The following PCDHA6 variants were observed in gnomAD, a reference collection of about 807,000 sequenced individuals.
PCDHA6 encodes the protein protocadherin alpha-6.
PCDHA6 carries 55 observed loss-of-function variants against 60.3 expected under a neutral mutation model. The observed-to-expected ratio is 0.91, with a 90% CI of 0.73 to 1.14. The LOEUF is 1.14. PCDHA6 is among the 50% of genes most tolerant of loss of function. The pLI, the probability that PCDHA6 is intolerant of heterozygous loss-of-function variation, is 0.00. For missense variants in PCDHA6, 1,327 were observed against 1,256.5 expected, an observed-to-expected ratio of 1.06 and a Z score of -0.85; for synonymous variants, 652 against 557.9, an observed-to-expected ratio of 1.17 and a Z score of -2.38.
At chr5:140,989,724 T>C (rs1251385686) in intron 3 of PCDHA6, among the ~76,000 whole-genome samples, 6 of 152,178 alleles carry the variant, frequency 3.9e-5, no homozygotes, top group African/African-American at 1.4e-4. Context: ...AGCTTTGCAG[T>C]TGAAAAGGCC....
chr5:140,887,245 C>T (rs1200820177), intron 1 of PCDHA6, among the ~76,000 whole-genome samples: 2 of 151,924 alleles, frequency 1.3e-5, no homozygotes, highest in East Asian at 1.9e-4. Context: ...TACCGGCGCC[C>T]GCCACCACGC....
At chr5:140,880,842 T>C (rs1554171525) in intron 1 of PCDHA6, among the ~76,000 whole-genome samples, 1 of 152,194 alleles carries the variant, frequency 6.6e-6, no homozygotes, top group East Asian at 1.9e-4. Flanking sequence ...TTTAAATGGT[T>C]GACTATGTAG....
intron 1 of PCDHA6, among the ~76,000 whole-genome samples, chr5:140,918,298 A>G (rs2078622610): frequency 6.6e-6 from 1 of 152,150 alleles, no homozygotes; most frequent in Non-Finnish European, 1.5e-5. Context: ...GGCAGAGAAT[A>G]TAGGGTTTTC....
intron 1 of PCDHA6, among the ~76,000 whole-genome samples, chr5:140,891,557 A>G (rs549418095): frequency 6.6e-6 from 1 of 151,608 alleles, no homozygotes; most frequent in Non-Finnish European, 1.5e-5. Flanking sequence ...TTATTTTAGT[A>G]CTCTAATTAA....
intron 1 of PCDHA6, chr5:140,850,894 G>A (rs1554145013): frequency 6.3e-7 from 1 of 1,575,006 alleles, no homozygotes; most frequent in African/African-American, 1.4e-5. Context: ...GGGAAGGTGG[G>A]TTTTTCTAGC....
At position 140,971,106 on chromosome 5, in the gene PCDHA6, G is replaced by T. The variant is rs529915701; in HGVS notation, c.2395-7843G>T. Among the ~76,000 whole-genome samples, 46 of 152,304 alleles carry T rather than the reference G, an allele frequency of 3.0e-4. No homozygotes were observed. In the South Asian group the frequency reaches 4.1e-3, roughly 14 times the overall value. ...AACAAATTCTTGTGAAGCCCTTTGG[G>T]ATTGGGGTGGGCTACAGGTGGTGAA... is the stretch of plus-strand genomic sequence containing the variant. On this transcript the variant is annotated intron_variant, in intron 1 of 3. Transcript: ENST00000529310.
chr5:140,942,680 A>C (rs2093354394), intron 1 of PCDHA6, among the ~76,000 whole-genome samples: 1 of 152,218 alleles, frequency 6.6e-6, no homozygotes, highest in African/African-American at 2.4e-5. Context: ...AAGTTTTAGG[A>C]ATAACTTTAA....
At chr5:140,966,811 G>T (rs377370256) in intron 1 of PCDHA6, 6 of 1,549,722 alleles carry the variant, frequency 3.9e-6, no homozygotes, top group African/African-American at 1.4e-5. Context: ...AGCATCCACG[G>T]CTCCGGCGGC....
At chr5:140,981,824 C>T (rs1350256595) in intron 2 of PCDHA6, among the ~76,000 whole-genome samples, 4 of 152,108 alleles carry the variant, frequency 2.6e-5, no homozygotes, top group African/African-American at 7.2e-5. Flanking sequence ...CTCTGCTTGC[C>T]TCTAAAGGTC....
intron 1 of PCDHA6, among the ~76,000 whole-genome samples, chr5:140,959,379 A>T (rs2095484732): frequency 6.6e-6 from 1 of 152,176 alleles, no homozygotes; most frequent in Admixed American, 6.5e-5. Context: ...GTCTCAAAAA[A>T]AAAAGTCACA....
intron 1 of PCDHA6, among the ~76,000 whole-genome samples, chr5:140,926,169 G>C (rs1212199081): frequency 6.6e-6 from 1 of 151,734 alleles, no homozygotes; most frequent in Non-Finnish European, 1.5e-5. Flanking sequence ...GCAGGATCCA[G>C]CGCGGAAAGC....
intron 1 of PCDHA6, among the ~76,000 whole-genome samples, chr5:140,888,192 A>G (rs906159358): frequency 4.6e-5 from 7 of 152,120 alleles, no homozygotes; most frequent in Non-Finnish European, 8.8e-5. Context: ...TGAATTTTAC[A>G]TTGTCGGATG....
rs2150314975 is a variant in PCDHA6, at chr5:140,841,416, A to G, written c.2394+10931A>G. 6 of 1,613,024 alleles carry G rather than the reference A, an allele frequency of 3.7e-6. No homozygotes were observed. The South Asian group carries it at 6.6e-5, about 18-fold the overall frequency. On this transcript the variant is annotated intron_variant, in intron 1 of 3. Coordinates refer to ENST00000529310, the MANE Select transcript of PCDHA6 (RefSeq NM_018909.4). Reference sequence around the variant, plus strand: ...TGGAAGGTGGGGAGCGGCCAGCTCCACTACTCCGTCCCCGAGGAGGCCAAA... The same window carrying G: ...TGGAAGGTGGGGAGCGGCCAGCTCCGCTACTCCGTCCCCGAGGAGGCCAAA...
rs186574903 is a variant in PCDHA6, at chr5:140,898,271, A to T, written c.2394+67786A>T. On this transcript the variant is annotated intron_variant, in intron 1 of 3. Transcript: ENST00000529310. The stretch of plus-strand genomic sequence containing the variant: ...AGACATGAAGTCCTTGCCCATGCCT[A>T]AGTTCTGAATGGTAATGCCTAGGTT... 4.6e-3 allele frequency among the ~76,000 whole-genome samples: 703 copies of T among 152,290 alleles called. 3 individuals carry two copies. The highest frequency in any genetic ancestry group is 0.016 in the African/African-American group (680 of 41,550).
chr5:140,882,852 T>C, intron 1 of PCDHA6: 2 of 1,614,216 alleles, frequency 1.2e-6, no homozygotes, highest in Non-Finnish European at 1.7e-6. Flanking sequence ...TTATCACTTG[T>C]ACTGAGGAAA....
rs2150151926 is a variant in PCDHA6 at position 140,828,181 on chromosome 5, G to C, written c.90G>C (p.Gln30His). 1 of 1,614,176 alleles carries C rather than the reference G, an allele frequency of 6.2e-7. No individual in the cohort carries two copies. Among genetic ancestry groups the C allele is most frequent in the Non-Finnish European group, 8.5e-7 (1 of 1,180,044 alleles). ...CAGCCTGGAAGGTGGGGAGCGGCCA[G>C]CTCCACTACTCCGTACCCGAGGAGG... ...LLAAWKVGSG[Q>H]LHYSVPEEAK... Residue 30 changes from glutamine to histidine, a missense_variant, in exon 1 of 4, where the codon CAG (glutamine) becomes CAC (histidine). By Grantham distance (24) the Gln-to-His change is conservative (BLOSUM62 0). Coordinates refer to ENST00000529310, the MANE Select transcript of PCDHA6 (RefSeq NM_018909.4).
chr5:140,993,238 T>A (rs896841031), intron 3 of PCDHA6, among the ~76,000 whole-genome samples: 1 of 152,182 alleles, frequency 6.6e-6, no homozygotes, highest in African/African-American at 2.4e-5. Context: ...TCTCTGAATC[T>A]GGGGATTTAG....
Position 140,863,100 on chromosome 5 carries a change from C to A in PCDHA6, c.2394+32615C>A, listed in dbSNP as rs146061743. 4,507 of 579,870 alleles carry A rather than the reference C, an allele frequency of 7.8e-3. 34 individuals carry two copies. The highest frequency in any genetic ancestry group is 0.018 in the Middle Eastern group (62 of 3,436). The allele number at this position is 579,870 out of a possible 1,614,324, so 35.9% of individuals were successfully genotyped here. A position where few individuals can be genotyped will look rare whatever the true frequency, so the allele number is the denominator to read the frequency against. ...CGGGCGAGATCAGCACGACGAGTAC[C>A]CTGGACGAGGCGAAAGCTACGCGCC... On this transcript the variant is annotated intron_variant, in intron 1 of 3. Coordinates refer to ENST00000529310, the MANE Select transcript of PCDHA6 (RefSeq NM_018909.4).
chr5:140,833,968 A>T (rs1772743060), intron 1 of PCDHA6, among the ~76,000 whole-genome samples: 1 of 152,214 alleles, frequency 6.6e-6, no homozygotes, highest in African/African-American at 2.4e-5. Context: ...ACTGTGTGAA[A>T]AAAAAGTTTT....
Sources: allele counts gnomAD v4.1 joint callset (sites outside exome capture counted in the v4.1 genomes callset), GRCh38; gene constraint gnomAD v4.1.1; transcripts MANE v1.5; gene names NCBI Gene and HGNC (gene_info 2026-07-23, HGNC 2026-07-21).